Variants in BAHD1 observed in about 807,000 individuals in gnomAD.
BAHD1 encodes bromo adjacent homology domain-containing 1 protein.
A neutral mutation model predicts 63.1 loss-of-function variants in BAHD1; 20 were observed. That is an observed-to-expected ratio of 0.32 (90% CI 0.22 to 0.46). The LOEUF is 0.46. Among genes scored for constraint, BAHD1 ranks in the 20% least tolerant of loss-of-function variants. The pLI, the probability that BAHD1 is intolerant of heterozygous loss-of-function variation, is 1.00. For missense variants in BAHD1, 939 were observed against 1,071.8 expected (o/e 0.88, Z 1.73); for synonymous variants, 408 against 426.8 (o/e 0.96, Z 0.54).
rs199651782 is a variant in BAHD1, at chr15:40,459,032, G to A, written c.568G>A (p.Asp190Asn). Residue 190 changes from aspartate (D) to asparagine (N), a missense_variant, in exon 2 of 7, where the codon GAT (aspartate) becomes AAT (asparagine). Physicochemically the swap from Asp to Asn is conservative, Grantham distance 23. Transcript: ENST00000416165. ...GGACCTGTCTCCAGAGCCAGCACCC[G>A]ATGAAGGTCCCCGCCGAGATGGAGA... ...SRDLSPEPAP[D>N]EGPRRDGDPA... The A allele has an allele frequency of 1.9e-4, 298 of 1,600,728 alleles. No individual in the cohort carries two copies. The highest frequency in any genetic ancestry group is 2.3e-4 in the Non-Finnish European group (274 of 1,172,480).
intron 1 of BAHD1, among the ~76,000 whole-genome samples, chr15:40,444,109 CTG>C (rs10692881): frequency 1.2e-3 from 182 of 150,178 alleles, no homozygotes; most frequent in African/African-American, 3.8e-3. Context: ...TGTTAAACCT[CTG>C]TGTGTGTGTG....
At position 40,459,499 on chromosome 15, in the gene BAHD1, C is replaced by G. The variant is rs200702245; in HGVS notation, c.1035C>G (p.Pro345=). 4 of 1,614,104 alleles carry G rather than the reference C, an allele frequency of 2.5e-6. No homozygotes were observed. The highest frequency in any genetic ancestry group is 3.4e-6 in the Non-Finnish European group (4 of 1,180,044). ...SPAPKQELHQ[P]SFPTPQLSPL... is the part of the protein sequence containing the mutation. The stretch of plus-strand genomic sequence containing the variant: ...CCCCTAAGCAGGAACTGCATCAGCC[C>G]TCTTTCCCCACACCTCAGCTGTCGC... The change falls in exon 2 of 7, where the codon CCC becomes CCG. Residue 345 remains proline, a synonymous_variant. Coordinates refer to ENST00000416165, the MANE Select transcript of BAHD1 (RefSeq NM_014952.5).
intron 1 of BAHD1, among the ~76,000 whole-genome samples, chr15:40,457,459 C>T (rs1347476043): frequency 6.6e-6 from 1 of 152,218 alleles, no homozygotes; most frequent in African/African-American, 2.4e-5. Context: ...AAAGCTGAGA[C>T]CTCTCCACCA....
Position 40,440,971 on chromosome 15 carries a change from C to T in BAHD1, c.-312C>T, listed in dbSNP as rs1008493885. Among the ~76,000 whole-genome samples the T allele has an allele frequency of 1.3e-5, 2 of 151,464 alleles. No individual in the cohort carries two copies. The highest frequency in any genetic ancestry group is 2.4e-5 in the African/African-American group (1 of 41,380). On this transcript the variant is annotated 5_prime_UTR_variant, in exon 1 of 7. Transcript: ENST00000416165. ...TCTCGGGGAGTTTGTGGGGGAACCG[C>T]GAGCGGCGTAGCGGATCCCGGAGCC...
At position 40,445,781 on chromosome 15, in the gene BAHD1, T is replaced by C. The variant is rs557088175; in HGVS notation, c.-15+4513T>C. On this transcript the variant is annotated intron_variant, in intron 1 of 6. Coordinates refer to ENST00000416165, the MANE Select transcript of BAHD1 (RefSeq NM_014952.5). ...AGTACTACCCCGACCCAAGTATTTA[T>C]GGGAATTTGCTAGCACAGTCTGGCA... Among the ~76,000 whole-genome samples, 9 of 152,288 alleles carry C rather than the reference T, an allele frequency of 5.9e-5. No individual in the cohort carries two copies. In the South Asian group the frequency reaches 1.9e-3, roughly 32 times the overall value.
chr15:40,464,585 A>G, intron 5 of BAHD1, 38 bp downstream of exon 5: 2 of 1,560,900 alleles, frequency 1.3e-6, no homozygotes, highest in African/African-American at 1.4e-5. Flanking sequence ...AGGGCAGGAG[A>G]GACAGAGGGA....
chr15:40,464,903 A>G, intron 5 of BAHD1: 1 of 381,546 alleles, frequency 2.6e-6, no homozygotes, highest in Non-Finnish European at 4.8e-6. Context: ...AGGGGAGGGG[A>G]GGGGAGGAAA....
intron 1 of BAHD1, among the ~76,000 whole-genome samples, chr15:40,447,753 C>G (rs1211059801): frequency 6.6e-6 from 1 of 151,996 alleles, no homozygotes; most frequent in Non-Finnish European, 1.5e-5. Flanking sequence ...GCATGATGAC[C>G]AGTTTTTAGT....
At chr15:40,445,273 A>C (rs913659414) in intron 1 of BAHD1, among the ~76,000 whole-genome samples, 3 of 151,270 alleles carry the variant, frequency 2.0e-5, no homozygotes, top group African/African-American at 7.3e-5. Flanking sequence ...AAAAAAAAAA[A>C]AAACAACCCT....
rs1382403786 is a variant in BAHD1 at position 40,441,122 on chromosome 15, GC to G, written c.-158del. 6.8e-6 allele frequency: 1 copy of G among 147,702 alleles called. No individual in the cohort carries two copies. The highest frequency in any genetic ancestry group is 2.5e-5 in the African/African-American group (1 of 40,738). 9.1% of individuals were successfully genotyped at this position (147,702 alleles called of 1,614,324 possible). On this transcript the variant is annotated 5_prime_UTR_variant, in exon 1 of 7. Transcript: ENST00000416165. ...CCCGGCCGCGGTCCCCGCTCCGCCC[GC>G]CCGGCCCCGGCCCCCAGGAGGAGGC...
At chr15:40,462,349 G>T in intron 3 of BAHD1, 55 bp downstream of exon 3, 1 of 1,548,114 alleles carries the variant, frequency 6.5e-7, no homozygotes, top group South Asian at 1.2e-5. Flanking sequence ...GGGGACACAT[G>T]ACCTGCAGTG....
chr15:40,451,159 A>AC (rs1453842679), intron 1 of BAHD1, among the ~76,000 whole-genome samples: 3 of 151,744 alleles, frequency 2.0e-5, no homozygotes, highest in East Asian at 1.9e-4. Flanking sequence ...AAAAAAAAAA[A>AC]AAAAAAAAAA....
At chr15:40,452,144 C>T (rs1460939926) in intron 1 of BAHD1, among the ~76,000 whole-genome samples, 2 of 152,268 alleles carry the variant, frequency 1.3e-5, no homozygotes, top group Non-Finnish European at 2.9e-5. Context: ...AGGCCAATTC[C>T]TTTCAGCTGC....
chr15:40,453,330 C>T (rs543108584), intron 1 of BAHD1: 2 of 152,350 alleles, frequency 1.3e-5, no homozygotes, highest in South Asian at 4.1e-4. Flanking sequence ...ATAAGAATTT[C>T]AGCAGCTTCA....
chr15:40,443,169 C>G, intron 1 of BAHD1: 1 of 749,710 alleles, frequency 1.3e-6, no homozygotes, highest in Non-Finnish European at 1.6e-6. Flanking sequence ...AGAAGCCGCT[C>G]TCAACTGTGG....
At chr15:40,447,875 C>T (rs746415792) in intron 1 of BAHD1, among the ~76,000 whole-genome samples, 1 of 152,144 alleles carries the variant, frequency 6.6e-6, no homozygotes, top group Non-Finnish European at 1.5e-5. Flanking sequence ...ATCAGGACAA[C>T]GTATCTTTGA....
chr15:40,458,796 T>A lies in BAHD1; in HGVS notation c.332T>A (p.Leu111His). ...SPAPSSEDPG[L>H]AQPRKRRLAS... ...GCCCCATCCAGTGAAGACCCTGGCC[T>A]TGCCCAGCCCCGCAAGCGGCGCCTG... The change falls in exon 2 of 7, where the codon CTT becomes CAT. Residue 111 changes from leucine to histidine, a missense_variant. This residue lies in a region of BAHD1 where 797 missense variants were observed against 813.3 expected (regional missense o/e 0.98). Coordinates refer to ENST00000416165, the MANE Select transcript of BAHD1 (RefSeq NM_014952.5). This position sits in a 1 kb window ranked among gnomAD's most constrained non-coding sequence, Gnocchi z 4.7. The A allele has an allele frequency of 6.2e-7, 1 of 1,613,030 alleles. No homozygotes were observed. The highest frequency in any genetic ancestry group is 8.5e-7 in the Non-Finnish European group (1 of 1,179,962).
At chr15:40,462,373 A>G in intron 3 of BAHD1, 79 bp downstream of exon 3, 9 of 1,504,100 alleles carry the variant, frequency 6.0e-6, no homozygotes, top group Non-Finnish European at 7.2e-6. Flanking sequence ...TAGGTGCTAG[A>G]AGCACCTGGT....
Position 40,449,095 on chromosome 15 carries a change from C to T in BAHD1, c.-15+7827C>T, listed in dbSNP as rs146601171. ...CCTCCCAAAGTGCTGGGATTACAGG[C>T]GTGAGCCACCGCGCCCAGCCTTCCT... On this transcript the variant is annotated intron_variant, in intron 1 of 6. Coordinates refer to ENST00000416165, the MANE Select transcript of BAHD1 (RefSeq NM_014952.5). Among the ~76,000 whole-genome samples the T allele has an allele frequency of 2.6e-3, 395 of 151,874 alleles. 1 individual carries two copies. Among genetic ancestry groups the T allele is most frequent in the African/African-American group, 9.0e-3 (374 of 41,336 alleles).
Sources: gnomAD v4.1 joint callset for allele counts (sites outside exome capture counted in the v4.1 genomes callset) on GRCh38, gnomAD v4.1.1 for gene constraint, gnomAD v4.1.1 regional missense constraint, Gnocchi (gnomAD v3.1) non-coding constraint, MANE v1.5 for transcripts, NCBI Gene and HGNC (gene_info 2026-07-23, HGNC 2026-07-21) for gene names.